The following CTNNA3 variants were observed in gnomAD, a reference collection of about 807,000 sequenced individuals.
CTNNA3 encodes the protein catenin alpha 3, also known as catenin alpha-3.
A neutral mutation model predicts 95.7 loss-of-function variants in CTNNA3; 76 were observed. That is an observed-to-expected ratio of 0.79 (90% CI 0.66 to 0.96). The LOEUF is 0.96. CTNNA3 is among the 40% of genes least tolerant of loss of function. The pLI is 0.00. For missense variants in CTNNA3, 1,191 were observed against 1,089.8 expected, an observed-to-expected ratio of 1.09 and a Z score of -1.31; for synonymous variants, 431 against 374.4, an observed-to-expected ratio of 1.15 and a Z score of -1.74.
intron 5 of CTNNA3, among the ~76,000 whole-genome samples, chr10:67,438,127 G>A (rs531295729): frequency 1.3e-5 from 2 of 152,230 alleles, no homozygotes; most frequent in East Asian, 1.9e-4. Context: ...GAGCACTACC[G>A]ACTCACAGCC....
chr10:66,213,860 C>G (rs1319608629), intron 13 of CTNNA3, among the ~76,000 whole-genome samples: 1 of 152,122 alleles, frequency 6.6e-6, no homozygotes, highest in Non-Finnish European at 1.5e-5. Flanking sequence ...CTAGCCATAC[C>G]TGAATTTCTT....
At position 67,401,731 on chromosome 10, in the gene CTNNA3, T is replaced by C. The variant is rs1056845010; in HGVS notation, c.579+120111A>G. 2.0e-5 allele frequency among the ~76,000 whole-genome samples: 3 copies of C among 152,090 alleles called. 1 individual carries two copies. The highest frequency in any genetic ancestry group is 7.2e-5 in the African/African-American group (3 of 41,416). Reference sequence around the variant, plus strand: ...GCACTGCAGAACACAGCTGCAAATGTTAACATAGACAAAGGAACCACAAGG... The same window carrying C: ...GCACTGCAGAACACAGCTGCAAATGCTAACATAGACAAAGGAACCACAAGG... On this transcript the variant is annotated intron_variant, in intron 5 of 17. Transcript: ENST00000433211.
At chr10:67,018,402 T>A (rs1230617833) in intron 7 of CTNNA3, among the ~76,000 whole-genome samples, 1 of 152,218 alleles carries the variant, frequency 6.6e-6, no homozygotes, top group East Asian at 1.9e-4. Context: ...TTCAAATTGG[T>A]TATAAATGTC....
At chr10:67,503,506 T>A (rs1410276110) in intron 5 of CTNNA3, among the ~76,000 whole-genome samples, 1 of 152,224 alleles carries the variant, frequency 6.6e-6, no homozygotes, top group East Asian at 1.9e-4. Flanking sequence ...TCACAATAAA[T>A]AAGCCTTAAT....
chr10:67,703,905 G>A (rs1841060943), intron 1 of CTNNA3, among the ~76,000 whole-genome samples: 1 of 152,208 alleles, frequency 6.6e-6, no homozygotes, highest in Admixed American at 6.5e-5. Flanking sequence ...ATCTCCTTAA[G>A]CTGATAAGCA....
In CTNNA3 at chr10:67,062,437, T is replaced by A. The variant is rs577863302; in HGVS notation, c.1047+117880A>T. ...TCATGCTTTAGCATTATCTCTTAAG[T>A]ATGCAGGTGATAAACTTTAAAAATT... On this transcript the variant is annotated intron_variant, in intron 7 of 17. Transcript: ENST00000433211. 1.4e-4 allele frequency among the ~76,000 whole-genome samples: 22 copies of A among 152,322 alleles called. No individual in the cohort carries two copies. The East Asian group carries it at 4.1e-3, about 28-fold the overall frequency.
intron 9 of CTNNA3, among the ~76,000 whole-genome samples, chr10:66,740,686 T>C (rs1236547512): frequency 2.0e-5 from 3 of 152,242 alleles, no homozygotes; most frequent in Non-Finnish European, 1.5e-5. Flanking sequence ...AAGCTCCTTT[T>C]GCAATTGACT....
intron 9 of CTNNA3, among the ~76,000 whole-genome samples, chr10:66,679,320 A>AATG: frequency 6.6e-6 from 1 of 152,338 alleles, no homozygotes; most frequent in South Asian, 2.1e-4. Flanking sequence ...TAGCTTCAGC[A>AATG]ATTGGGAGAT....
chr10:66,464,892 A>T (rs992632276), intron 11 of CTNNA3, among the ~76,000 whole-genome samples: 3 of 152,156 alleles, frequency 2.0e-5, no homozygotes, highest in East Asian at 1.9e-4. Flanking sequence ...ATTAAAAAAA[A>T]ATAAGATCTC....
chr10:67,058,171 T>A lies in CTNNA3; in HGVS notation c.1047+122146A>T, dbSNP rs183273586. On this transcript the variant is annotated intron_variant, in intron 7 of 17. Transcript: ENST00000433211. ...CAGTTCCTATAATCTTAGGAAATTA[T>A]TTTGTGATCACATTTCTAATCACAG... Among the ~76,000 whole-genome samples the A allele has an allele frequency of 4.3e-3, 649 of 152,278 alleles. 1 individual carries two copies. Among genetic ancestry groups the A allele is most frequent in the African/African-American group, 0.015 (610 of 41,568 alleles).
intron 7 of CTNNA3, among the ~76,000 whole-genome samples, chr10:66,949,870 T>C (rs911613595): frequency 5.9e-5 from 9 of 152,174 alleles, no homozygotes. Flanking sequence ...ATACTGTAAC[T>C]ATGAAATGGA....
intron 10 of CTNNA3, among the ~76,000 whole-genome samples, chr10:66,604,282 G>A (rs6480182): frequency 0.2 from 30,273 of 151,992 alleles, 3,571 homozygotes; most frequent in African/African-American, 0.33. Context: ...ATTAAAAAAT[G>A]AGCAATAATC....
At chr10:67,694,051 C>T (rs1361200499) in intron 1 of CTNNA3, among the ~76,000 whole-genome samples, 2 of 152,176 alleles carry the variant, frequency 1.3e-5, no homozygotes, top group African/African-American at 2.4e-5. Context: ...CTTCCTATTC[C>T]TATTTCTTTG....
intron 8 of CTNNA3, among the ~76,000 whole-genome samples, chr10:66,771,392 GA>G (rs1254520491): frequency 6.6e-6 from 1 of 152,140 alleles, no homozygotes; most frequent in Non-Finnish European, 1.5e-5. Context: ...TTTACTGAGA[GA>G]GTTGCAATAG....
At chr10:66,541,845 C>T (rs533215962) in intron 10 of CTNNA3, among the ~76,000 whole-genome samples, 2 of 152,166 alleles carry the variant, frequency 1.3e-5, no homozygotes, top group East Asian at 3.9e-4. Flanking sequence ...TAAGAAACTT[C>T]CATATGTCTG....
At chr10:66,297,378 T>C (rs1467303675) in intron 12 of CTNNA3, among the ~76,000 whole-genome samples, 1 of 152,180 alleles carries the variant, frequency 6.6e-6, no homozygotes, top group Non-Finnish European at 1.5e-5. Flanking sequence ...GGGAAAATTA[T>C]GGGACTATAT....
At chr10:67,399,570 A>G (rs1246829625) in intron 5 of CTNNA3, among the ~76,000 whole-genome samples, 1 of 152,112 alleles carries the variant, frequency 6.6e-6, no homozygotes, top group Non-Finnish European at 1.5e-5. Context: ...CACTTTTACA[A>G]CATCTCCCAA....
intron 15 of CTNNA3, among the ~76,000 whole-genome samples, chr10:65,991,032 G>A (rs8181455): frequency 0.61 from 93,298 of 151,888 alleles, 29,259 homozygotes; most frequent in Non-Finnish European, 0.69. Context: ...TTTCCCCAGT[G>A]CCTGTTCTTC....
At chr10:66,008,092 C>T (rs748263433) in intron 15 of CTNNA3, among the ~76,000 whole-genome samples, 1 of 152,118 alleles carries the variant, frequency 6.6e-6, no homozygotes, top group Non-Finnish European at 1.5e-5. Flanking sequence ...AGAAGGCTGC[C>T]TTTCTCTACT....
Sources: gnomAD v4.1 joint callset for allele counts (sites outside exome capture counted in the v4.1 genomes callset) on GRCh38, gnomAD v4.1.1 for gene constraint, MANE v1.5 for transcripts, NCBI Gene and HGNC (gene_info 2026-07-23, HGNC 2026-07-21) for gene names.